Variants in CAMK1D observed in about 807,000 individuals in gnomAD.
The protein encoded by CAMK1D is calcium/calmodulin-dependent protein kinase type 1D.
CAMK1D carries 9 observed loss-of-function variants against 47.7 expected under a neutral mutation model. The observed-to-expected ratio is 0.19, with a 90% confidence interval of 0.11 to 0.33. The LOEUF (loss-of-function observed/expected upper bound fraction) is 0.33, where lower values mean the gene tolerates loss of function less well. Among genes scored for constraint, CAMK1D ranks in the 10% least tolerant of loss-of-function variants. The pLI is 1.00. For missense variants in CAMK1D, 291 were observed against 488.7 expected (o/e 0.60, Z 3.81); for synonymous variants, 184 against 184.9 (o/e 0.99, Z 0.04).
At chr10:12,440,717 C>T (rs1379423142) in intron 1 of CAMK1D, among the ~76,000 whole-genome samples, 1 of 152,146 alleles carries the variant, frequency 6.6e-6, no homozygotes, top group East Asian at 1.9e-4. Flanking sequence ...ATGCCAGGTG[C>T]AGTGCTCAGG....
intron 1 of CAMK1D, among the ~76,000 whole-genome samples, chr10:12,488,872 C>T (rs1834294643): frequency 6.6e-6 from 1 of 152,206 alleles, no homozygotes; most frequent in Non-Finnish European, 1.5e-5. Context: ...TGGGGAGCGG[C>T]TGTAAATACA....
At chr10:12,752,760 G>C (rs569384299) in intron 3 of CAMK1D, among the ~76,000 whole-genome samples, 1 of 152,172 alleles carries the variant, frequency 6.6e-6, no homozygotes, top group African/African-American at 2.4e-5. Context: ...GTTTTTAGTA[G>C]AGTCACTGAC....
intron 2 of CAMK1D, among the ~76,000 whole-genome samples, chr10:12,645,000 CTT>C (rs5783281): frequency 0.12 from 18,054 of 149,130 alleles, 1,297 homozygotes; most frequent in African/African-American, 0.2. Flanking sequence ...GAATTTGTGA[CTT>C]TTTTTTTTTT....
intron 3 of CAMK1D, among the ~76,000 whole-genome samples, chr10:12,690,868 C>T (rs1037764662): frequency 6.6e-6 from 1 of 152,088 alleles, no homozygotes; most frequent in African/African-American, 2.4e-5. Context: ...TGTTTGATTA[C>T]AGAAAAGAAA....
At chr10:12,351,264 A>C (rs771623884) in intron 1 of CAMK1D, among the ~76,000 whole-genome samples, 3 of 152,110 alleles carry the variant, frequency 2.0e-5, no homozygotes, top group African/African-American at 4.8e-5. Flanking sequence ...CCTATTTGCT[A>C]TCTTTGTTGG....
intron 2 of CAMK1D, among the ~76,000 whole-genome samples, chr10:12,589,355 A>C (rs1432847422): frequency 1.3e-5 from 2 of 152,172 alleles, no homozygotes; most frequent in African/African-American, 2.4e-5. Context: ...GCAAACATAC[A>C]AAATGTGACC....
chr10:12,804,977 T>C (rs1429573613), intron 6 of CAMK1D, among the ~76,000 whole-genome samples: 1 of 135,926 alleles, frequency 7.4e-6, no homozygotes, highest in African/African-American at 2.7e-5. Flanking sequence ...AAAAAAATAC[T>C]AGGCCGGGCG....
intron 3 of CAMK1D, among the ~76,000 whole-genome samples, chr10:12,673,591 G>T (rs558070594): frequency 2.4e-4 from 36 of 152,168 alleles, no homozygotes; most frequent in African/African-American, 8.4e-4. Flanking sequence ...ATTAATTCTA[G>T]TTAGTCCCTG....
chr10:12,546,030 G>A (rs985575137), intron 1 of CAMK1D, among the ~76,000 whole-genome samples: 5 of 152,166 alleles, frequency 3.3e-5, no homozygotes, highest in East Asian at 1.9e-4. Context: ...ATGAGCCTGC[G>A]AAGTTGGGGT....
intron 3 of CAMK1D, among the ~76,000 whole-genome samples, chr10:12,699,522 G>T (rs1316633575): frequency 6.6e-6 from 1 of 152,140 alleles, no homozygotes; most frequent in Non-Finnish European, 1.5e-5. Context: ...CGCCCATAGA[G>T]TGGAAAGTTT....
intron 3 of CAMK1D, among the ~76,000 whole-genome samples, chr10:12,750,693 G>GATGAATGAATGAATGAATGAATGATGA (rs908049587): frequency 1.9e-4 from 29 of 151,902 alleles, no homozygotes; most frequent in African/African-American, 6.7e-4. Context: ...ATGAATGAAT[G>GATGAATGAATGAATGAATGAATGATGA]ATGAATGAAT....
chr10:12,619,296 A>ATT (rs1228128999), intron 2 of CAMK1D, among the ~76,000 whole-genome samples: 1 of 146,768 alleles, frequency 6.8e-6, no homozygotes, highest in Non-Finnish European at 1.5e-5. Context: ...ATAGAGCTGG[A>ATT]TTTTTTTTTT....
chr10:12,734,691 G>A (rs1330041603), intron 3 of CAMK1D, among the ~76,000 whole-genome samples: 1 of 151,478 alleles, frequency 6.6e-6, no homozygotes, highest in East Asian at 1.9e-4. Flanking sequence ...CAACTTCATG[G>A]CCTGGCCTTG....
intron 2 of CAMK1D, among the ~76,000 whole-genome samples, chr10:12,663,485 C>A (rs1262801614): frequency 6.6e-6 from 1 of 152,128 alleles, no homozygotes; most frequent in East Asian, 1.9e-4. Context: ...AGCTAGTTCT[C>A]TGTTGGTCCT....
chr10:12,823,156 C>A (rs1170603079), intron 8 of CAMK1D, among the ~76,000 whole-genome samples: 1 of 152,178 alleles, frequency 6.6e-6, no homozygotes, highest in East Asian at 1.9e-4. Context: ...TTCCTTTCAT[C>A]TCCTGAAGTA....
Position 12,833,151 on chromosome 10 carries a change from C to T in CAMK1D, c.*4264C>T, listed in dbSNP as rs1241204651. The T allele has an allele frequency of 6.6e-6, 1 of 152,476 alleles. No homozygotes were observed. The highest frequency in any genetic ancestry group is 6.5e-5 in the Admixed American group (1 of 15,294). The allele number at this position is 152,476 out of a possible 1,614,324, so 9.4% of individuals were successfully genotyped here. On this transcript the variant is annotated 3_prime_UTR_variant, in exon 11 of 11. Transcript: ENST00000619168. ...CCAAGGCTGGGCTCATAGGAAATATCTGTAGTAGGATGAAAGGAATCTGGC... is the reference window on the plus strand; with the variant it reads ...CCAAGGCTGGGCTCATAGGAAATATTTGTAGTAGGATGAAAGGAATCTGGC...
In CAMK1D at chr10:12,401,313, T is replaced by TTATGTATATATTTTATATATATATAATA. The variant is rs1304960485; in HGVS notation, c.92+51407_92+51434dup. Among the ~76,000 whole-genome samples the TTATGTATATATTTTATATATATATAATA allele has an allele frequency of 4.7e-4, 35 of 74,324 alleles. 2 individuals are homozygous for TTATGTATATATTTTATATATATATAATA. Among genetic ancestry groups the TTATGTATATATTTTATATATATATAATA allele is most frequent in the African/African-American group, 1.8e-3 (35 of 18,970 alleles). The allele number at this position is 74,324 out of a possible 152,430, so 48.8% of individuals were successfully genotyped here. ...ATATATAATATATGTATTATATATA[T>TTATGTATATATTTTATATATATATAATA]TATGTATATATTTTATATATATATA... On this transcript the variant is annotated intron_variant, in intron 1 of 10. Transcript: ENST00000619168.
rs553495181 is a variant in CAMK1D, at chr10:12,828,909, G to A, written c.*22G>A. The A allele has an allele frequency of 1.1e-4, 179 of 1,562,976 alleles. 3 individuals carry two copies. In the South Asian group the frequency reaches 1.8e-3, roughly 16 times the overall value. On this transcript the variant is annotated 3_prime_UTR_variant, in exon 11 of 11. Coordinates refer to ENST00000619168, the MANE Select transcript of CAMK1D (RefSeq NM_153498.4). ...GTGACTGGCCCTGGAGGTGGGGCCCGGGGTCGGGGCTGGGGAAGGGGAGCC... is the reference window on the plus strand; with the variant it reads ...GTGACTGGCCCTGGAGGTGGGGCCCAGGGTCGGGGCTGGGGAAGGGGAGCC...
chr10:12,602,618 A>G (rs1028777769), intron 2 of CAMK1D, among the ~76,000 whole-genome samples: 1 of 152,148 alleles, frequency 6.6e-6, no homozygotes, highest in Non-Finnish European at 1.5e-5. Flanking sequence ...TCTGCTGTGA[A>G]TTCCTGGCAC....
Sources: allele counts gnomAD v4.1 joint callset (sites outside exome capture counted in the v4.1 genomes callset), GRCh38; gene constraint gnomAD v4.1.1; transcripts MANE v1.5; gene names NCBI Gene and HGNC (gene_info 2026-07-23, HGNC 2026-07-21).